Variants in AGBL3 observed in about 807,000 individuals in gnomAD.
AGBL3 encodes AGBL carboxypeptidase 3.
Under a neutral mutation model 94.5 loss-of-function variants are expected in AGBL3, and 68 were observed. That is an observed-to-expected ratio of 0.72 (90% CI 0.59 to 0.88). The LOEUF (loss-of-function observed/expected upper bound fraction) is 0.88, where lower values mean the gene tolerates loss of function less well. AGBL3 is among the 40% of genes least tolerant of loss of function. The pLI, the probability that AGBL3 is intolerant of heterozygous loss-of-function variation, is 0.00. For synonymous variants in AGBL3, 354 were observed against 370.7 expected (o/e 0.95, Z 0.52); for missense variants, 934 against 1,103.8 (o/e 0.85, Z 2.18).
chr7:134,993,214 A>G (rs1420823905), intron 3 of AGBL3, among the ~76,000 whole-genome samples: 1 of 152,238 alleles, frequency 6.6e-6, no homozygotes. Context: ...AAAGTAGATG[A>G]TTTGCTAGAA....
intron 15 of AGBL3, among the ~76,000 whole-genome samples, chr7:135,085,545 C>T (rs1294534192): frequency 6.6e-6 from 1 of 151,870 alleles, no homozygotes; most frequent in African/African-American, 2.4e-5. Context: ...GATAGGAGTC[C>T]AGTTTCATTT....
At chr7:135,096,659 A>T (rs931119829) in intron 15 of AGBL3, among the ~76,000 whole-genome samples, 2 of 140,556 alleles carry the variant, frequency 1.4e-5, no homozygotes, top group Non-Finnish European at 3.2e-5. Flanking sequence ...AAGAACTTAT[A>T]CAACTAGGAA....
intron 5 of AGBL3, among the ~76,000 whole-genome samples, chr7:135,020,562 T>C (rs375918830): frequency 2.0e-5 from 3 of 152,302 alleles, no homozygotes; most frequent in South Asian, 4.1e-4. Context: ...TTACTGGGTA[T>C]ATACCCAAAG....
At chr7:135,068,804 G>T (rs368526988) in intron 12 of AGBL3, among the ~76,000 whole-genome samples, 2 of 152,164 alleles carry the variant, frequency 1.3e-5, no homozygotes, top group African/African-American at 4.8e-5. Context: ...AAAGACCATC[G>T]ATGCTAGGAA....
chr7:135,041,449 T>C (rs943003995), intron 8 of AGBL3, among the ~76,000 whole-genome samples: 1 of 152,186 alleles, frequency 6.6e-6, no homozygotes, highest in African/African-American at 2.4e-5. Flanking sequence ...AGTCTAGTAA[T>C]AGACCCATAT....
chr7:135,078,918 G>T (rs10488440), intron 13 of AGBL3, among the ~76,000 whole-genome samples: 73,743 of 151,924 alleles, frequency 0.49, 18,256 homozygotes, highest in South Asian at 0.66. Context: ...TTTCTTACTT[G>T]GTTTGCTTAT....
chr7:135,104,686 T>A (rs117171012), intron 15 of AGBL3, among the ~76,000 whole-genome samples: 1,576 of 152,338 alleles, frequency 0.01, 19 homozygotes, highest in Non-Finnish European at 0.016. Flanking sequence ...TCAGTGATAT[T>A]GAGCTTTATT....
Position 135,017,111 on chromosome 7 carries a change from C to T in AGBL3, c.370C>T (p.Leu124Phe). The change falls in exon 5 of 17, where the codon CTT becomes TTT. Residue 124 changes from leucine (L) to phenylalanine (F), a missense_variant. Around this residue, in one of 3 missense-constraint regions of AGBL3, gnomAD observed 488 missense variants for 563.6 expected, o/e 0.87. Transcript: ENST00000436302. ...CCCAACGGGCTTAGAAACGGAACCC[C>T]TTTATCCAGACTCCAAGGAAGCTAC... is the stretch of plus-strand genomic sequence containing the variant. ...YIPTGLETEPLYPDSKEATVV... is the reference protein window; with the variant it reads ...YIPTGLETEPFYPDSKEATVV... The T allele has an allele frequency of 1.9e-6, 3 of 1,551,268 alleles. No individual in the cohort carries two copies. Among genetic ancestry groups the T allele is most frequent in the Non-Finnish European group, 2.6e-6 (3 of 1,146,232 alleles).
At chr7:134,997,579 C>G (rs1811167077) in intron 4 of AGBL3, among the ~76,000 whole-genome samples, 1 of 152,182 alleles carries the variant, frequency 6.6e-6, no homozygotes, top group South Asian at 2.1e-4. Context: ...AGTCTCTGGC[C>G]TTTCCAGGGG....
At chr7:135,114,517 TC>T (rs11300885) in intron 15 of AGBL3, among the ~76,000 whole-genome samples, 144,930 of 152,186 alleles carry the variant, frequency 0.95, 69,350 homozygotes, top group Non-Finnish European at 1. Context: ...CTTCCCAGTC[TC>T]CCCCATGTCC....
At chr7:135,026,244 A>ATTATTTTATTTTATTTTTAT (rs147501962) in intron 5 of AGBL3, among the ~76,000 whole-genome samples, 1 of 81,464 alleles carries the variant, frequency 1.2e-5, no homozygotes, top group Admixed American at 1.4e-4. Flanking sequence ...AATGAATACC[A>ATTATTTTATTTTATTTTTAT]TTATTTTATT....
chr7:135,119,459 G>T (rs1156312513), intron 16 of AGBL3, among the ~76,000 whole-genome samples: 2 of 151,652 alleles, frequency 1.3e-5, no homozygotes, highest in Non-Finnish European at 2.9e-5. Context: ...TCGAACTCCT[G>T]ACCTCAAGTG....
intron 15 of AGBL3, among the ~76,000 whole-genome samples, chr7:135,106,657 T>C (rs2117086390): frequency 6.6e-6 from 1 of 152,296 alleles, no homozygotes; most frequent in Middle Eastern, 3.4e-3. Context: ...TCACCAAGGA[T>C]ATTGGCCTGA....
chr7:135,115,349 C>G, intron 15 of AGBL3, 31 bp from the exon 16 acceptor site: 2 of 1,374,602 alleles, frequency 1.5e-6, no homozygotes, highest in Non-Finnish European at 2.0e-6. Flanking sequence ...GAGTTCATAT[C>G]TCTGTACATA....
At chr7:134,986,871 C>T (rs925209870) in intron 1 of AGBL3, among the ~76,000 whole-genome samples, 170 bp downstream of exon 1, 2 of 152,378 alleles carry the variant, frequency 1.3e-5, no homozygotes, top group African/African-American at 2.4e-5. Context: ...TGTCGGGACG[C>T]GGCTAAGCGT....
intron 7 of AGBL3, 127 bp from the exon 8 acceptor site, chr7:135,037,291 T>C (rs540081560): frequency 2.1e-4 from 143 of 689,406 alleles, no homozygotes; most frequent in Non-Finnish European, 3.1e-4. Context: ...ATATGCAATA[T>C]AGATAAGAGA....
At chr7:135,125,313 T>C (rs182943109) in intron 16 of AGBL3, among the ~76,000 whole-genome samples, 1 of 152,258 alleles carries the variant, frequency 6.6e-6, no homozygotes, top group African/African-American at 2.4e-5. Flanking sequence ...GAGAAATTCC[T>C]GGACACACAC....
At chr7:135,086,944 T>C (rs55779005) in intron 15 of AGBL3, among the ~76,000 whole-genome samples, 65,875 of 151,794 alleles carry the variant, frequency 0.43, 14,510 homozygotes, top group South Asian at 0.61. Flanking sequence ...CTTTAAATGT[T>C]TGGTAGAATT....
chr7:135,128,906 T>C, intron 16 of AGBL3: 1 of 1,465,736 alleles, frequency 6.8e-7, no homozygotes, highest in Non-Finnish European at 9.6e-7. Context: ...TAAAATGCTT[T>C]AATAGTAATT....
Sources: gnomAD v4.1 joint callset for allele counts (sites outside exome capture counted in the v4.1 genomes callset) on GRCh38, gnomAD v4.1.1 for gene constraint, gnomAD v4.1.1 regional missense constraint, MANE v1.5 for transcripts, NCBI Gene and HGNC (gene_info 2026-07-23, HGNC 2026-07-21) for gene names.